The following RARB variants were observed in gnomAD, a reference collection of about 807,000 sequenced individuals.
RARB encodes the protein retinoic acid receptor beta, also known as HBV-activated protein.
A neutral mutation model predicts 51.9 loss-of-function variants in RARB; 17 were observed. The ratio of observed to expected loss-of-function variants is 0.33; its 90% CI spans 0.22 to 0.49. The LOEUF (loss-of-function observed/expected upper bound fraction) is 0.49, where lower values mean the gene tolerates loss of function less well. RARB is among the 20% of genes least tolerant of loss of function. The pLI, the probability that RARB is intolerant of heterozygous loss-of-function variation, is 0.99. For missense variants in RARB, 369 were observed against 550.8 expected (o/e 0.67, Z 3.30); for synonymous variants, 215 against 195.4 (o/e 1.10, Z -0.84).
chr3:25,414,901 G>T (rs1707659289), intron 5 of RARB, among the ~76,000 whole-genome samples: 1 of 152,136 alleles, frequency 6.6e-6, no homozygotes, highest in Non-Finnish European at 1.5e-5. Context: ...GAGTGTAATG[G>T]TGTTATCTTG....
chr3:24,898,156 C>T lies in RARB; in HGVS notation c.-380+39404C>T, dbSNP rs79862300. ...AGTCCACACATTGTTGGTGGCCTGACTGGTACCTACAGACACTGCTGTGAC... is the reference window on the plus strand; with the variant it reads ...AGTCCACACATTGTTGGTGGCCTGATTGGTACCTACAGACACTGCTGTGAC... On this transcript the variant is annotated intron_variant, in intron 2 of 11. Coordinates refer to the RARB transcript ENST00000383772. Among the ~76,000 whole-genome samples the T allele has an allele frequency of 8.7e-3, 1,317 of 152,218 alleles. 102 individuals carry two copies. The East Asian group carries it at 0.18, about 21-fold the overall frequency.
chr3:25,296,402 C>G (rs1703915104), intron 5 of RARB, among the ~76,000 whole-genome samples: 1 of 152,128 alleles, frequency 6.6e-6, no homozygotes, highest in Non-Finnish European at 1.5e-5. Context: ...TCACTATTTC[C>G]TAGCTTTCTG....
intron 4 of RARB, among the ~76,000 whole-genome samples, chr3:25,172,422 T>C (rs1476417247): frequency 6.6e-6 from 1 of 152,120 alleles, no homozygotes; most frequent in Non-Finnish European, 1.5e-5. Context: ...ATAAAAAATA[T>C]CTGCCTTAAA....
chr3:25,499,647 CTCTT>C (rs1358889795), intron 2 of RARB, among the ~76,000 whole-genome samples: 1 of 114,886 alleles, frequency 8.7e-6, no homozygotes, highest in Non-Finnish European at 1.7e-5. Context: ...AAGCAAAAAA[CTCTT>C]TCAAGTGTTT....
chr3:25,431,136 C>G (rs749142343), intron 1 of RARB, among the ~76,000 whole-genome samples: 1 of 151,910 alleles, frequency 6.6e-6, no homozygotes, highest in Admixed American at 6.6e-5. Flanking sequence ...ACAACCTTTT[C>G]CATTTTACTT....
At chr3:24,945,190 G>A (rs912076702) in intron 2 of RARB, among the ~76,000 whole-genome samples, 2 of 152,172 alleles carry the variant, frequency 1.3e-5, no homozygotes, top group Admixed American at 6.5e-5. Flanking sequence ...TATGGCCATA[G>A]TGCGCTTTAG....
intron 1 of RARB, among the ~76,000 whole-genome samples, chr3:25,440,926 AT>A (rs1284034982): frequency 6.6e-6 from 1 of 152,200 alleles, no homozygotes; most frequent in Non-Finnish European, 1.5e-5. Context: ...CCACATTTAT[AT>A]TAAAAATTCA....
intron 5 of RARB, among the ~76,000 whole-genome samples, chr3:25,294,222 T>G (rs528009528): frequency 3.3e-5 from 5 of 152,324 alleles, no homozygotes; most frequent in African/African-American, 9.6e-5. Flanking sequence ...TGTCATTCGT[T>G]AAGAATTAAG....
intron 5 of RARB, among the ~76,000 whole-genome samples, chr3:25,357,572 A>G (rs1705782913): frequency 6.6e-6 from 1 of 152,180 alleles, no homozygotes; most frequent in African/African-American, 2.4e-5. Context: ...TGTTTTAGTC[A>G]TGAAGTATTT....
At chr3:25,394,256 A>C (rs1707054922) in intron 5 of RARB, among the ~76,000 whole-genome samples, 1 of 152,058 alleles carries the variant, frequency 6.6e-6, no homozygotes, top group South Asian at 2.1e-4. Flanking sequence ...CTGTGGTCTG[A>C]GAGAGTACAT....
chr3:24,946,024 G>C (rs987973096), intron 2 of RARB, among the ~76,000 whole-genome samples: 4 of 152,150 alleles, frequency 2.6e-5, no homozygotes, highest in Non-Finnish European at 4.4e-5. Flanking sequence ...GCAGCACTTT[G>C]GGAGGCCGAG....
intron 5 of RARB, among the ~76,000 whole-genome samples, chr3:25,204,363 A>C (rs1701475212): frequency 6.6e-6 from 1 of 152,172 alleles, no homozygotes; most frequent in South Asian, 2.1e-4. Flanking sequence ...CTTTGCCACG[A>C]GTTTGAACTT....
At chr3:25,384,349 T>C (rs900490503) in intron 5 of RARB, among the ~76,000 whole-genome samples, 2 of 152,228 alleles carry the variant, frequency 1.3e-5, no homozygotes, top group Admixed American at 6.5e-5. Flanking sequence ...TATTTATTGT[T>C]GTTATTTCCT....
chr3:25,152,942 A>T (rs532194610), intron 4 of RARB, among the ~76,000 whole-genome samples: 1 of 152,224 alleles, frequency 6.6e-6, no homozygotes, highest in South Asian at 2.1e-4. Flanking sequence ...GTTTGATACA[A>T]ACTTCTTCTA....
At chr3:24,983,890 ATACAAT>A (rs1696731140) in intron 2 of RARB, among the ~76,000 whole-genome samples, 2 of 152,302 alleles carry the variant, frequency 1.3e-5, no homozygotes, top group African/African-American at 4.8e-5. Flanking sequence ...AACAGGATAA[ATACAAT>A]TACAAAAAAG....
intron 5 of RARB, among the ~76,000 whole-genome samples, chr3:25,200,861 G>A (rs1210484897): frequency 1.3e-5 from 2 of 152,168 alleles, no homozygotes; most frequent in African/African-American, 4.8e-5. Flanking sequence ...AGTATAGTTT[G>A]AAGTCAGGTA....
At chr3:25,367,918 A>G (rs1230946681) in intron 5 of RARB, among the ~76,000 whole-genome samples, 1 of 152,156 alleles carries the variant, frequency 6.6e-6, no homozygotes, top group Non-Finnish European at 1.5e-5. Flanking sequence ...CAGGCTGGAA[A>G]GATGATTCCA....
chr3:25,319,734 C>A (rs901221551), intron 5 of RARB, among the ~76,000 whole-genome samples: 11 of 152,104 alleles, frequency 7.2e-5, no homozygotes, highest in African/African-American at 2.4e-4. Flanking sequence ...ATGAAACGAA[C>A]CCTGCATTTG....
chr3:25,110,960 C>T (rs916195462), intron 3 of RARB, among the ~76,000 whole-genome samples: 9 of 152,058 alleles, frequency 5.9e-5, no homozygotes, highest in African/African-American at 1.9e-4. Context: ...GTGTACAGAT[C>T]GTGTACATTT....
Sources: allele counts gnomAD v4.1 joint callset (sites outside exome capture counted in the v4.1 genomes callset), GRCh38; gene constraint gnomAD v4.1.1; transcripts MANE v1.5; gene names NCBI Gene and HGNC (gene_info 2026-07-23, HGNC 2026-07-21).